TNIK: variants seen among roughly 807,000 people sequenced by gnomAD.
TNIK encodes the protein TRAF2 and NCK interacting kinase, also known as TRAF2 and NCK-interacting protein kinase.
TNIK carries 49 observed loss-of-function variants against 191.3 expected under a neutral mutation model. The observed-to-expected ratio is 0.26, with a 90% CI of 0.20 to 0.32. The LOEUF (loss-of-function observed/expected upper bound fraction) is 0.32. TNIK is among the 10% of genes least tolerant of loss of function. TNIK has a pLI of 1.00. For synonymous variants in TNIK, 594 were observed against 600.9 expected (o/e 0.99, Z 0.17); for missense variants, 1,155 against 1,702.3 (o/e 0.68, Z 5.66).
chr3:171,395,291 T>C (rs969187113), intron 1 of TNIK, among the ~76,000 whole-genome samples: 24 of 152,180 alleles, frequency 1.6e-4, no homozygotes, highest in African/African-American at 5.8e-4. Context: ...ATTTACTTAA[T>C]CTCTCCAAGC....
chr3:171,433,435 A>C (rs988582397), intron 1 of TNIK, among the ~76,000 whole-genome samples: 12 of 152,342 alleles, frequency 7.9e-5, no homozygotes, highest in African/African-American at 2.9e-4. Flanking sequence ...AAACAAACAA[A>C]ACACCTTATG....
At chr3:171,237,873 T>G (rs1403651442) in intron 2 of TNIK, among the ~76,000 whole-genome samples, 1 of 152,150 alleles carries the variant, frequency 6.6e-6, no homozygotes, top group Non-Finnish European at 1.5e-5. Flanking sequence ...TGCTCTTGTA[T>G]GTACTTGCAC....
chr3:171,226,193 T>G (rs1420116024), intron 3 of TNIK, among the ~76,000 whole-genome samples: 1 of 152,186 alleles, frequency 6.6e-6, no homozygotes, highest in Non-Finnish European at 1.5e-5. Flanking sequence ...AATAAAAGAC[T>G]ACATTTTCTA....
intron 1 of TNIK, among the ~76,000 whole-genome samples, chr3:171,424,848 G>C (rs181729773): frequency 0.042 from 4,906 of 115,530 alleles, 335 homozygotes; most frequent in African/African-American, 0.15. Context: ...TGGGGGGAGG[G>C]GGGAGGGATA....
At chr3:171,339,205 T>C in intron 2 of TNIK, among the ~76,000 whole-genome samples, 1 of 152,234 alleles carries the variant, frequency 6.6e-6, no homozygotes, top group Non-Finnish European at 1.5e-5. Flanking sequence ...ACCTGCCATG[T>C]GTGGGCTGAG....
At chr3:171,258,256 C>T (rs912278575) in intron 2 of TNIK, among the ~76,000 whole-genome samples, 2 of 152,150 alleles carry the variant, frequency 1.3e-5, no homozygotes, top group Non-Finnish European at 2.9e-5. Flanking sequence ...TTATCTAGAA[C>T]TCCTACCACT....
rs796714576 is a variant in TNIK, at chr3:171,235,746, TTTTTG to T, written c.124-7530_124-7526del. On this transcript the variant is annotated intron_variant, in intron 2 of 32. Coordinates refer to ENST00000436636, the MANE Select transcript of TNIK (RefSeq NM_015028.4). ...CCATATGTTTTTGTTGTTGTTGTTG[TTTTTG>T]TTTTGTTTTGTTTTGGTGGGGGGGG... Among the ~76,000 whole-genome samples the T allele has an allele frequency of 2.1e-4, 30 of 142,474 alleles. No individual in the cohort carries two copies. The East Asian group carries it at 4.4e-3, about 21-fold the overall frequency. The allele number at this position is 142,474 out of a possible 152,430, so 93.5% of individuals were successfully genotyped here. A position where few individuals can be genotyped will look rare whatever the true frequency, so the allele number is the denominator to read the frequency against.
intron 12 of TNIK, among the ~76,000 whole-genome samples, chr3:171,141,718 T>G (rs980745346): frequency 6.6e-6 from 1 of 152,208 alleles, no homozygotes; most frequent in African/African-American, 2.4e-5. Flanking sequence ...CATCATGGCA[T>G]TAGTGCACCT....
chr3:171,323,312 G>C (rs1295146021), intron 2 of TNIK, among the ~76,000 whole-genome samples: 1 of 152,198 alleles, frequency 6.6e-6, no homozygotes, highest in Non-Finnish European at 1.5e-5. Flanking sequence ...GGGGGCAGGA[G>C]TAGAAAATGG....
intron 2 of TNIK, among the ~76,000 whole-genome samples, chr3:171,332,081 GA>G (rs1187272693): frequency 6.6e-6 from 1 of 152,002 alleles, no homozygotes; most frequent in Non-Finnish European, 1.5e-5. Context: ...AGACTATTTG[GA>G]AAAGTATAGA....
intron 1 of TNIK, among the ~76,000 whole-genome samples, chr3:171,377,962 A>C (rs992131409): frequency 2.0e-5 from 3 of 152,210 alleles, no homozygotes; most frequent in Non-Finnish European, 4.4e-5. Context: ...GCCAATGCTG[A>C]AATTAACCTG....
intron 2 of TNIK, among the ~76,000 whole-genome samples, chr3:171,264,109 C>CGT (rs1748074840): frequency 1.7e-5 from 1 of 57,782 alleles, no homozygotes; most frequent in South Asian, 4.1e-4. Context: ...CACACACACA[C>CGT]ACATATATAT....
rs150189520 is a variant in TNIK, at chr3:171,219,719, G to A, written c.180+8446C>T. On this transcript the variant is annotated intron_variant, in intron 3 of 32. Coordinates refer to ENST00000436636, the MANE Select transcript of TNIK (RefSeq NM_015028.4). ...ACCATCTCATGCCAGTTAGCATGAC[G>A]ATCATTAAAAAGTCAGGAAACAATA... 5.8e-3 allele frequency among the ~76,000 whole-genome samples: 885 copies of A among 152,168 alleles called. 10 individuals are homozygous for A. The highest frequency in any genetic ancestry group is 0.018 in the African/African-American group (766 of 41,520).
intron 15 of TNIK, among the ~76,000 whole-genome samples, chr3:171,137,460 G>T (rs912975568): frequency 3.3e-5 from 5 of 152,172 alleles, no homozygotes; most frequent in Non-Finnish European, 5.9e-5. Flanking sequence ...TTATGCACAT[G>T]ACCTCACACA....
intron 1 of TNIK, among the ~76,000 whole-genome samples, chr3:171,430,647 CAA>C (rs34307433): frequency 2.6e-5 from 3 of 113,940 alleles, no homozygotes; most frequent in African/African-American, 3.2e-5. Flanking sequence ...AAAAAACAGA[CAA>C]AAAAAAAAAA....
chr3:171,367,013 T>C (rs1395282714), intron 2 of TNIK, among the ~76,000 whole-genome samples: 1 of 152,218 alleles, frequency 6.6e-6, no homozygotes, highest in Non-Finnish European at 1.5e-5. Flanking sequence ...TGTGAGTCAG[T>C]TAAACCTCTT....
At chr3:171,418,000 G>C (rs1401532548) in intron 1 of TNIK, among the ~76,000 whole-genome samples, 1 of 152,140 alleles carries the variant, frequency 6.6e-6, no homozygotes, top group Non-Finnish European at 1.5e-5. Context: ...GAGAGAAAAA[G>C]AGATTACATG....
rs80093247 is a variant in TNIK at position 171,445,934 on chromosome 3, T to C, written c.57+14073A>G. Among the ~76,000 whole-genome samples, 1,115 of 152,280 alleles carry C rather than the reference T, an allele frequency of 7.3e-3. 9 individuals carry two copies. Among genetic ancestry groups the C allele is most frequent in the Non-Finnish European group, 0.013 (859 of 68,012 alleles). ...GAGGGACCTCATTTTAAAGCTTATT[T>C]ATGTTATTCGTGTTGTAGCAACTGT... On this transcript the variant is annotated intron_variant, in intron 1 of 32. Transcript: ENST00000436636.
At chr3:171,371,031 TGTGTGATCCTA>T (rs1157855672) in intron 1 of TNIK, among the ~76,000 whole-genome samples, 1 of 152,050 alleles carries the variant, frequency 6.6e-6, no homozygotes, top group Non-Finnish European at 1.5e-5. Flanking sequence ...CTTGACCAGC[TGTGTGATCCTA>T]GGAGACCCCG....
Sources: allele counts gnomAD v4.1 joint callset (sites outside exome capture counted in the v4.1 genomes callset), GRCh38; gene constraint gnomAD v4.1.1; transcripts MANE v1.5; gene names NCBI Gene and HGNC (gene_info 2026-07-23, HGNC 2026-07-21).